SRRM2: variants seen among roughly 807,000 people sequenced by gnomAD.
The protein encoded by SRRM2 is serine/arginine repetitive matrix 2.
In SRRM2, 30 loss-of-function variants were observed where a neutral mutation model predicts 213.8. The ratio of observed to expected loss-of-function variants is 0.14; its 90% CI spans 0.10 to 0.19. The LOEUF (loss-of-function observed/expected upper bound fraction) is 0.19. SRRM2 is among the 10% of genes least tolerant of loss of function. The pLI, the probability that SRRM2 is intolerant of heterozygous loss-of-function variation, is 1.00. For missense variants in SRRM2, 4,904 were observed against 3,647.0 expected, an observed-to-expected ratio of 1.34 and a Z score of -8.88; for synonymous variants, 2,025 against 1,377.7, an observed-to-expected ratio of 1.47 and a Z score of -10.40.
At chr16:2,770,065 G>A in intron 12 of SRRM2, 1 of 1,188,092 alleles carries the variant, frequency 8.4e-7, no homozygotes, top group Non-Finnish European at 1.1e-6. Flanking sequence ...CGCACATCCA[G>A]CCCTGCTTCC....
Position 2,761,797 on chromosome 16 carries a change from A to G in SRRM2, c.1269A>G (p.Pro423=). Residue 423 remains proline (P), a synonymous_variant, in exon 11 of 15, where the codon CCA becomes CCG. Coordinates refer to ENST00000301740, the MANE Select transcript of SRRM2 (RefSeq NM_016333.4). ...PQSSSSESSP[P]SPQPTKVSRH... is the part of the protein sequence containing the mutation. ...CTTCTTCCTCAGAGAGCAGCCCACC[A>G]TCCCCTCAACCTACCAAAGTTTCTC... 1.2e-6 allele frequency: 2 copies of G among 1,613,722 alleles called. No individual in the cohort carries two copies. Among genetic ancestry groups the G allele is most frequent in the Non-Finnish European group, 1.7e-6 (2 of 1,179,942 alleles).
Position 2,766,480 on chromosome 16 carries a change from C to T in SRRM2, c.5952C>T (p.Ser1984=), listed in dbSNP as rs909663651. 9.9e-6 allele frequency: 16 copies of T among 1,614,094 alleles called. No individual in the cohort carries two copies. The highest frequency in any genetic ancestry group is 1.4e-5 in the Non-Finnish European group (16 of 1,180,020). Residue 1984 remains serine, a synonymous_variant, in exon 11 of 15, where the codon TCC becomes TCT. Coordinates refer to ENST00000301740, the MANE Select transcript of SRRM2 (RefSeq NM_016333.4). The surrounding 1 kb of genome is among the most constrained non-coding windows in gnomAD (Gnocchi z 7.0). ...TSPITRRRSR[S]RTSPVTRRRS... is the part of the protein sequence containing the mutation. Reference sequence around the variant, plus strand: ...CTATCACTCGCAGAAGATCAAGATCCAGAACATCTCCGGTCACCCGAAGGA... The same window carrying T: ...CTATCACTCGCAGAAGATCAAGATCTAGAACATCTCCGGTCACCCGAAGGA...
At position 2,764,694 on chromosome 16, in the gene SRRM2, A is replaced by C. The variant is rs537744880; in HGVS notation, c.4166A>C (p.Asp1389Ala). The C allele has an allele frequency of 2.4e-5, 38 of 1,614,138 alleles. No individual in the cohort carries two copies. The African/African-American group carries it at 4.5e-4, about 19-fold the overall frequency. The change falls in exon 11 of 15, where the codon GAT becomes GCT. Residue 1389 changes from aspartate to alanine, a missense_variant. Transcript: ENST00000301740. Reference protein sequence around the residue: ...SGHSSSELSPDAVEKAGMSSN... With the variant: ...SGHSSSELSPAAVEKAGMSSN... ...CACAGCAGTTCTGAGTTATCCCCAG[A>C]TGCAGTGGAAAAGGCAGGGATGTCT... is the stretch of plus-strand genomic sequence containing the variant.
Position 2,767,263 on chromosome 16 carries a change from C to T in SRRM2, c.6735C>T (p.Ala2245=). The T allele has an allele frequency of 6.2e-7, 1 of 1,614,112 alleles. No homozygotes were observed. Among genetic ancestry groups the T allele is most frequent in the Non-Finnish European group, 8.5e-7 (1 of 1,180,052 alleles). The part of the protein sequence containing the change: ...ASAAAMNLAS[A]RTPAIPTAVN... Reference sequence around the variant, plus strand: ...CGGCAGCCATGAACCTAGCCAGCGCCAGGACACCTGCCATTCCAACAGCAG... The same window carrying T: ...CGGCAGCCATGAACCTAGCCAGCGCTAGGACACCTGCCATTCCAACAGCAG... The change falls in exon 11 of 15, where the codon GCC becomes GCT. Residue 2245 remains alanine (A), a synonymous_variant. Transcript: ENST00000301740.
At position 2,769,989 on chromosome 16, in the gene SRRM2, C is replaced by G. The variant is rs547588000; in HGVS notation, c.8022-363C>G. On this transcript the variant is annotated intron_variant, in intron 12 of 14. Coordinates refer to ENST00000301740, the MANE Select transcript of SRRM2 (RefSeq NM_016333.4). ...AAGACTCCGCTCAAAACAGCACCTT[C>G]GAGAAGACTGCCCTGCCCCTTCCCT... The G allele has an allele frequency of 7.1e-4, 357 of 500,094 alleles. 3 individuals are homozygous for G. The highest frequency in any genetic ancestry group is 5.4e-3 in the South Asian group (289 of 53,304). The allele number at this position is 500,094 out of a possible 1,614,324, so 31.0% of individuals were successfully genotyped here.
chr16:2,759,444 C>T lies in SRRM2; in HGVS notation c.740+42C>T, dbSNP rs190699786. On this transcript the variant is annotated intron_variant, in intron 8 of 14. Transcript: ENST00000301740. ...GGAATTTGCTTAGGAAGTAAGTGAACGCCACCTTAGTGGGAGGGAGTTGAA... is the reference window on the plus strand; with the variant it reads ...GGAATTTGCTTAGGAAGTAAGTGAATGCCACCTTAGTGGGAGGGAGTTGAA... 576 of 1,594,824 alleles carry T rather than the reference C, an allele frequency of 3.6e-4. 1 individual carries two copies. Among genetic ancestry groups the T allele is most frequent in the South Asian group, 1.5e-3 (132 of 87,712 alleles).
chr16:2,756,824 G>GGT (rs925667798), intron 2 of SRRM2, among the ~76,000 whole-genome samples: 1 of 152,102 alleles, frequency 6.6e-6, no homozygotes, highest in African/African-American at 2.4e-5. Context: ...GGGAGCCTGA[G>GGT]GTACTAAATG....
In SRRM2 at chr16:2,758,496, G is replaced by A; in HGVS notation, c.542G>A (p.Arg181His). ...YSLVRESSSS[R>H]SPTPKQKKKK... ...CTTGTTCGGGAGTCTAGCAGTTCTC[G>A]CTCACCAACCCCAAAGCAGAAGAAG... The change falls in exon 5 of 15, where the codon CGC becomes CAC. Residue 181 changes from arginine (R) to histidine (H), a missense_variant. Arg to His is a conservative substitution (Grantham distance 29). Transcript: ENST00000301740. 6.2e-7 allele frequency: 1 copy of A among 1,613,868 alleles called. No homozygotes were observed. The highest frequency in any genetic ancestry group is 8.5e-7 in the Non-Finnish European group (1 of 1,179,978).
Position 2,752,640 on chromosome 16 carries a change from G to C in SRRM2, c.-238G>C, listed in dbSNP as rs2067960615. ...CGTGCTGACGCACGCAGTTAGTCGT[G>C]CTGACGTGCAGCGCGGCCCAGGCGG... On this transcript the variant is annotated 5_prime_UTR_variant, in exon 1 of 15. Transcript: ENST00000301740. 4.2e-6 allele frequency: 1 copy of C among 236,184 alleles called. No individual in the cohort carries two copies. Among genetic ancestry groups the C allele is most frequent in the Non-Finnish European group, 8.8e-6 (1 of 114,132 alleles). The allele number at this position is 236,184 out of a possible 1,614,324, so 14.6% of individuals were successfully genotyped here.
intron 9 of SRRM2, 79 bp downstream of exon 9, chr16:2,759,740 G>A: frequency 7.3e-7 from 1 of 1,360,858 alleles, no homozygotes; most frequent in South Asian, 1.2e-5. Flanking sequence ...CGCCCACGGT[G>A]TGCTAGGCGC....
At chr16:2,754,061 G>C (rs1219725401) in intron 1 of SRRM2, among the ~76,000 whole-genome samples, 1 of 152,114 alleles carries the variant, frequency 6.6e-6, no homozygotes, top group Non-Finnish European at 1.5e-5. Flanking sequence ...CTTTTAACTT[G>C]GGTAACTTTT....
rs755956472 is a variant in SRRM2 at position 2,763,089 on chromosome 16, C to G, written c.2561C>G (p.Ser854Cys). The change falls in exon 11 of 15, where the codon TCC becomes TGC. Residue 854 changes from serine (S) to cysteine (C), a missense_variant. Ser to Cys is a moderately radical substitution (Grantham distance 112). Transcript: ENST00000301740. Reference protein sequence around the residue: ...VKSGTPPRQGSITSPQANEQS... With the variant: ...VKSGTPPRQGCITSPQANEQS... ...TCTGGAACACCACCGAGGCAAGGGT[C>G]CATAACAAGTCCCCAGGCCAATGAG... The G allele has an allele frequency of 6.2e-7, 1 of 1,614,192 alleles. No homozygotes were observed.
At position 2,756,320 on chromosome 16, in the gene SRRM2, C is replaced by G; in HGVS notation, c.-31-14C>G. ...GGCCAGGGGCCTGACCCGTGTCTCC[C>G]CGCTCCCCCTCAGGAGCGGTGGTGC... is the stretch of plus-strand genomic sequence containing the variant. On this transcript the variant is annotated splice_polypyrimidine_tract_variant and intron_variant, in intron 1 of 14. Transcript: ENST00000301740. The G allele has an allele frequency of 6.5e-7, 1 of 1,538,696 alleles. No individual in the cohort carries two copies. The highest frequency in any genetic ancestry group is 2.3e-5 in the East Asian group (1 of 42,618).
Position 2,765,650 on chromosome 16 carries a change from C to T in SRRM2, c.5122C>T (p.Arg1708Cys), listed in dbSNP as rs139806283. 121 of 1,614,110 alleles carry T rather than the reference C, an allele frequency of 7.5e-5. 4 individuals carry two copies. In the South Asian group the frequency reaches 9.0e-4, roughly 12 times the overall value. ...TRKARLSRRS[R>C]SASSSPETRS... ...GAAGGCCAGACTGTCCCGTAGAAGCCGCTCTGCCTCATCCTCACCAGAAAC... is the reference window on the plus strand; with the variant it reads ...GAAGGCCAGACTGTCCCGTAGAAGCTGCTCTGCCTCATCCTCACCAGAAAC... The change falls in exon 11 of 15, where the codon CGC (arginine) becomes TGC (cysteine). Residue 1708 changes from arginine to cysteine, a missense_variant. Transcript: ENST00000301740.
chr16:2,761,272 T>G (rs922110171), intron 10 of SRRM2, among the ~76,000 whole-genome samples: 3 of 152,236 alleles, frequency 2.0e-5, no homozygotes, highest in African/African-American at 7.2e-5. Flanking sequence ...TTAAAGATAG[T>G]TTTTTTCCAT....
In SRRM2 at chr16:2,756,535, C is replaced by T. The variant is rs573944926; in HGVS notation, c.171C>T (p.Ile57=). Residue 57 remains isoleucine, a synonymous_variant, in exon 2 of 15, where the codon ATC becomes ATT. Coordinates refer to ENST00000301740, the MANE Select transcript of SRRM2 (RefSeq NM_016333.4). ...TGGTGAAGCGGCCTAATCCTGACATCCTGGACCACGAGCGCAAGCGGCGCG... is the reference window on the plus strand; with the variant it reads ...TGGTGAAGCGGCCTAATCCTGACATTCTGGACCACGAGCGCAAGCGGCGCG... ...AALVKRPNPD[I]LDHERKRRVE... 1.2e-6 allele frequency: 2 copies of T among 1,614,156 alleles called. No individual in the cohort carries two copies. Among genetic ancestry groups the T allele is most frequent in the South Asian group, 1.1e-5 (1 of 91,092 alleles).
At position 2,767,120 on chromosome 16, in the gene SRRM2, T is replaced by G; in HGVS notation, c.6592T>G (p.Ser2198Ala). The change falls in exon 11 of 15, where the codon TCC becomes GCC. Residue 2198 changes from serine to alanine, a missense_variant. By Grantham distance (99) the Ser-to-Ala change is moderately conservative. Transcript: ENST00000301740. ...ISLGTARPPPSMSAAGLAARM... is the reference protein window; with the variant it reads ...ISLGTARPPPAMSAAGLAARM... ...TCTTGGCACCGCTCGGCCTCCTCCG[T>G]CCATGTCTGCTGCTGGCCTTGCTGC... 1 of 1,614,168 alleles carries G rather than the reference T, an allele frequency of 6.2e-7. No homozygotes were observed. Among genetic ancestry groups the G allele is most frequent in the Non-Finnish European group, 8.5e-7 (1 of 1,180,022 alleles).
intron 1 of SRRM2, among the ~76,000 whole-genome samples, chr16:2,754,067 CT>C (rs1315786247): frequency 5.3e-5 from 8 of 152,130 alleles, no homozygotes; most frequent in African/African-American, 1.9e-4. Context: ...ACTTGGGTAA[CT>C]TTTGCATATC....
rs1010269160 is a variant in SRRM2, at chr16:2,760,429, C to T, written c.962C>T (p.Pro321Leu). Residue 321 changes from proline to leucine, a missense_variant, in exon 10 of 15, where the codon CCT becomes CTT. Transcript: ENST00000301740. The stretch of plus-strand genomic sequence containing the variant: ...CCAGGTACTACCAGCACACAACGGC[C>T]TAGTAGCCCGGAGACTGCTACGAAA... ...SEPGTTSTQR[P>L]SSPETATKQP... 1 of 1,614,012 alleles carries T rather than the reference C, an allele frequency of 6.2e-7. No homozygotes were observed. Among genetic ancestry groups the T allele is most frequent in the Non-Finnish European group, 8.5e-7 (1 of 1,180,044 alleles).
Sources: gnomAD v4.1 joint callset for allele counts (sites outside exome capture counted in the v4.1 genomes callset) on GRCh38, gnomAD v4.1.1 for gene constraint, Gnocchi (gnomAD v3.1) non-coding constraint, MANE v1.5 for transcripts, NCBI Gene and HGNC (gene_info 2026-07-23, HGNC 2026-07-21) for gene names.